Variants in AASS observed in about 807,000 individuals in gnomAD.
AASS encodes the protein alpha-aminoadipic semialdehyde synthase, mitochondrial.
A neutral mutation model predicts 105.4 loss-of-function variants in AASS; 86 were observed. That is an observed-to-expected ratio of 0.82 (90% CI 0.69 to 0.98). The LOEUF (loss-of-function observed/expected upper bound fraction) is 0.98, where lower values mean the gene tolerates loss of function less well. AASS is among the 50% of genes least tolerant of loss of function. The probability of loss-of-function intolerance (pLI) is 0.00; values close to 1 mark genes in which losing one functional copy is unlikely to be tolerated. For synonymous variants in AASS, 381 were observed against 394.8 expected (o/e 0.96, Z 0.41); for missense variants, 1,048 against 1,143.2 (o/e 0.92, Z 1.20).
At chr7:122,100,935 A>T (rs1008005969) in intron 13 of AASS, among the ~76,000 whole-genome samples, 1 of 151,816 alleles carries the variant, frequency 6.6e-6, no homozygotes, top group Non-Finnish European at 1.5e-5. Context: ...GTAACCACGA[A>T]TTCACTTCCC....
chr7:122,081,420 C>T, intron 20 of AASS, 80 bp downstream of exon 20: 2 of 1,097,210 alleles, frequency 1.8e-6, no homozygotes, highest in Non-Finnish European at 1.4e-6. Context: ...TTTTGCAGAT[C>T]CAAAGCAGAG....
chr7:122,138,484 CTCTT>C (rs1420250370), intron 1 of AASS, among the ~76,000 whole-genome samples: 1 of 152,162 alleles, frequency 6.6e-6, no homozygotes, highest in African/African-American at 2.4e-5. Flanking sequence ...CTCTCACTCT[CTCTT>C]TCTCTCTCAC....
At chr7:122,142,869 TGAGAAAAAA>T (rs1796466702) in intron 1 of AASS, among the ~76,000 whole-genome samples, 1 of 152,136 alleles carries the variant, frequency 6.6e-6, no homozygotes, top group Admixed American at 6.5e-5. Flanking sequence ...AAACGACTAG[TGAGAAAAAA>T]AATTCAATGA....
intron 21 of AASS, 194 bp from the exon 22 acceptor site, chr7:122,079,144 C>T (rs1437584669): frequency 1.3e-5 from 19 of 1,478,840 alleles, no homozygotes; most frequent in East Asian, 2.5e-5. Context: ...CTTCTCCAGA[C>T]TCACCCAGGC....
chr7:122,116,887 T>C lies in AASS; in HGVS notation c.758A>G (p.Gln253Arg). 1 of 1,613,960 alleles carries C rather than the reference T, an allele frequency of 6.2e-7. No individual in the cohort carries two copies. The highest frequency in any genetic ancestry group is 8.5e-7 in the Non-Finnish European group (1 of 1,179,914). The change falls in exon 7 of 24, where the codon CAA (glutamine) becomes CGA (arginine). Residue 253 changes from glutamine to arginine, a missense_variant. Coordinates refer to ENST00000417368, the MANE Select transcript of AASS (RefSeq NM_005763.4). ...VEPHELKEVS[Q>R]TGDLRKVYGT... ...CATCTCCTGTCCCTTACCTCCAGTT[T>C]GGGAAACTTCTTTTAATTCATGGGG...
intron 4 of AASS, among the ~76,000 whole-genome samples, chr7:122,121,956 GTTGT>G (rs1198213147): frequency 1.3e-5 from 2 of 152,112 alleles, no homozygotes; most frequent in African/African-American, 4.8e-5. Flanking sequence ...AAAATTATAA[GTTGT>G]TTGTTTTCTT....
intron 11 of AASS, among the ~76,000 whole-genome samples, chr7:122,107,874 A>T (rs770395145): frequency 6.7e-6 from 1 of 149,962 alleles, no homozygotes; most frequent in Non-Finnish European, 1.5e-5. Context: ...CTGCACATGT[A>T]CCCCTGAACC....
At chr7:122,134,426 G>A (rs1228736000) in intron 1 of AASS, among the ~76,000 whole-genome samples, 1 of 152,022 alleles carries the variant, frequency 6.6e-6, no homozygotes, top group Non-Finnish European at 1.5e-5. Context: ...AAATGCAGTG[G>A]TGAGATCATT....
At chr7:122,100,191 G>C (rs1426429058) in intron 13 of AASS, among the ~76,000 whole-genome samples, 4 of 151,866 alleles carry the variant, frequency 2.6e-5, no homozygotes, top group Non-Finnish European at 5.9e-5. Flanking sequence ...GCAAGTTCTA[G>C]CAATCGGAGC....
intron 4 of AASS, among the ~76,000 whole-genome samples, chr7:122,119,862 C>A (rs541148602): frequency 6.6e-6 from 1 of 152,100 alleles, no homozygotes; most frequent in South Asian, 2.1e-4. Flanking sequence ...TCTAAGACCC[C>A]TACACATGTT....
intron 15 of AASS, 148 bp from the exon 16 acceptor site, chr7:122,093,306 A>T (rs1281320385): frequency 5.6e-6 from 4 of 713,670 alleles, no homozygotes; most frequent in Admixed American, 4.2e-5. Context: ...TGTTGGTGGG[A>T]ATGTAAATTA....
chr7:122,085,100 A>G (rs1331687474), intron 19 of AASS, among the ~76,000 whole-genome samples: 2 of 152,186 alleles, frequency 1.3e-5, no homozygotes, highest in Non-Finnish European at 2.9e-5. Context: ...TGCCCTAATA[A>G]GAAGAGGATG....
Position 122,098,511 on chromosome 7 carries a change from C to T in AASS, c.1594G>A (p.Asp532Asn). 1.9e-6 allele frequency: 3 copies of T among 1,611,422 alleles called. No homozygotes were observed. The highest frequency in any genetic ancestry group is 2.5e-6 in the Non-Finnish European group (3 of 1,178,274). The part of the protein sequence containing the change: ...KKYNINPVSM[D>N]ICKQEEKLGF... ...AGCTTCTCTTCTTGTTTACAAATGT[C>T]CATGCTAACAGGATTAATATTATAT... Residue 532 changes from aspartate (D) to asparagine (N), a missense_variant, in exon 15 of 24, where the codon GAC (aspartate) becomes AAC (asparagine). Transcript: ENST00000417368.
At chr7:122,099,837 T>A (rs1329384337) in intron 13 of AASS, among the ~76,000 whole-genome samples, 2 of 151,894 alleles carry the variant, frequency 1.3e-5, no homozygotes, top group Non-Finnish European at 2.9e-5. Flanking sequence ...CACATATTAC[T>A]GATGTGAAGA....
chr7:122,085,937 A>G, intron 19 of AASS, 75 bp downstream of exon 19: 1 of 1,531,946 alleles, frequency 6.5e-7, no homozygotes. Context: ...TATTTTGACT[A>G]CTAAGAAAAA....
chr7:122,124,343 C>A (rs929348944), intron 4 of AASS, among the ~76,000 whole-genome samples: 1 of 152,168 alleles, frequency 6.6e-6, no homozygotes, highest in African/African-American at 2.4e-5. Flanking sequence ...AGTGCAATGG[C>A]ATGATCTCGG....
intron 23 of AASS, among the ~76,000 whole-genome samples, chr7:122,076,819 C>G (rs535827167): frequency 2.0e-5 from 3 of 152,210 alleles, no homozygotes; most frequent in African/African-American, 7.2e-5. Flanking sequence ...ATTGAAAGCA[C>G]AGCCGGACCT....
At chr7:122,089,069 C>CA (rs1793772069) in intron 18 of AASS, among the ~76,000 whole-genome samples, 1 of 151,932 alleles carries the variant, frequency 6.6e-6, no homozygotes. Flanking sequence ...AAGCAGAAGT[C>CA]AGAGAGGTGA....
intron 13 of AASS, among the ~76,000 whole-genome samples, chr7:122,100,955 T>C (rs1005229835): frequency 2.6e-5 from 4 of 151,844 alleles, no homozygotes; most frequent in Non-Finnish European, 4.4e-5. Context: ...CTGAACATTA[T>C]ACTAAACAAA....
Sources: gnomAD v4.1 joint callset for allele counts (sites outside exome capture counted in the v4.1 genomes callset) on GRCh38, gnomAD v4.1.1 for gene constraint, MANE v1.5 for transcripts, NCBI Gene and HGNC (gene_info 2026-07-23, HGNC 2026-07-21) for gene names.